The following RAB31 variants were observed in gnomAD, a reference collection of about 807,000 sequenced individuals.
RAB31 encodes RAB31, member RAS oncogene family.
RAB31 carries 21 observed loss-of-function variants against 25.6 expected under a neutral mutation model. The observed-to-expected ratio is 0.82, with a 90% CI of 0.58 to 1.18. RAB31 has a LOEUF of 1.18. Among genes scored for constraint, RAB31 ranks in the 50% most tolerant of loss-of-function variants. RAB31 has a pLI of 0.00. For synonymous variants in RAB31, 87 were observed against 84.0 expected (o/e 1.04, Z -0.20); for missense variants, 196 against 250.1 (o/e 0.78, Z 1.46).
chr18:9,848,831 C>T (rs2068774690), intron 6 of RAB31, among the ~76,000 whole-genome samples: 1 of 152,090 alleles, frequency 6.6e-6, no homozygotes, highest in South Asian at 2.1e-4. Context: ...TTTTACAGTC[C>T]CATAGTGTTC....
At chr18:9,832,159 A>C (rs2068681813) in intron 5 of RAB31, among the ~76,000 whole-genome samples, 1 of 152,220 alleles carries the variant, frequency 6.6e-6, no homozygotes, top group Admixed American at 6.5e-5. Flanking sequence ...ACTGGCCCAA[A>C]GGGATTCAGC....
At chr18:9,716,318 C>T (rs546423876) in intron 1 of RAB31, among the ~76,000 whole-genome samples, 1 of 151,950 alleles carries the variant, frequency 6.6e-6, no homozygotes, top group East Asian at 1.9e-4. Context: ...TATTTTTTAA[C>T]GTGATCATGT....
chr18:9,793,894 T>G (rs1599041170), intron 3 of RAB31, among the ~76,000 whole-genome samples: 1 of 152,166 alleles, frequency 6.6e-6, no homozygotes, highest in African/African-American at 2.4e-5. Flanking sequence ...TCCTGCTTCA[T>G]TTTTCTCCAC....
At chr18:9,739,425 T>C (rs888901045) in intron 1 of RAB31, among the ~76,000 whole-genome samples, 2 of 152,108 alleles carry the variant, frequency 1.3e-5, no homozygotes, top group Non-Finnish European at 2.9e-5. Context: ...TGGGCCGAGA[T>C]TGTGCCACTG....
chr18:9,747,985 G>A (rs900513883), intron 1 of RAB31, among the ~76,000 whole-genome samples: 8 of 152,130 alleles, frequency 5.3e-5, no homozygotes, highest in African/African-American at 1.9e-4. Flanking sequence ...TAACACCTAC[G>A]GTCAACGGCA....
At chr18:9,834,323 C>A (rs2068693781) in intron 5 of RAB31, among the ~76,000 whole-genome samples, 1 of 152,142 alleles carries the variant, frequency 6.6e-6, no homozygotes, top group Admixed American at 6.5e-5. Flanking sequence ...GCTATGTTGG[C>A]CAGGCTGGTC....
chr18:9,780,153 G>T (rs2068394584), intron 2 of RAB31, among the ~76,000 whole-genome samples: 1 of 148,376 alleles, frequency 6.7e-6, no homozygotes, highest in African/African-American at 2.5e-5. Flanking sequence ...TCCAGCCAGG[G>T]CAACAGAGTG....
chr18:9,726,847 A>T (rs2068098236), intron 1 of RAB31, among the ~76,000 whole-genome samples: 1 of 152,192 alleles, frequency 6.6e-6, no homozygotes, highest in Non-Finnish European at 1.5e-5. Flanking sequence ...AGACCTATGT[A>T]AACACCTGGG....
intron 5 of RAB31, among the ~76,000 whole-genome samples, chr18:9,824,062 C>G (rs918153063): frequency 6.6e-6 from 1 of 152,230 alleles, no homozygotes; most frequent in Non-Finnish European, 1.5e-5. Flanking sequence ...AACCCCAGAC[C>G]TTATTCAGAG....
rs2068821812 is a variant in RAB31, at chr18:9,857,401, G to C, written c.491-1827G>C. Among the ~76,000 whole-genome samples, 5 of 152,056 alleles carry C rather than the reference G, an allele frequency of 3.3e-5. No individual in the cohort carries two copies. In the South Asian group the frequency reaches 1.0e-3, roughly 32 times the overall value. On this transcript the variant is annotated intron_variant, in intron 6 of 6. Coordinates refer to ENST00000578921, the MANE Select transcript of RAB31 (RefSeq NM_006868.4). ...CACTTGCATTAAAAGACTTTGTCAG[G>C]GCCCAGCGCATAGTCAGTATTCCGT... is the stretch of plus-strand genomic sequence containing the variant.
At chr18:9,800,353 C>T (rs1471594261) in intron 3 of RAB31, among the ~76,000 whole-genome samples, 1 of 152,170 alleles carries the variant, frequency 6.6e-6, no homozygotes, top group Non-Finnish European at 1.5e-5. Context: ...TATACTTTTA[C>T]ACAGTTCATG....
intron 2 of RAB31, chr18:9,787,945 G>T (rs1003205722): frequency 6.6e-6 from 1 of 152,186 alleles, no homozygotes; most frequent in Admixed American, 6.5e-5. Flanking sequence ...AGTTCTCCAA[G>T]ATTAACTTTC....
intron 1 of RAB31, among the ~76,000 whole-genome samples, chr18:9,736,316 T>C (rs891005082): frequency 4.6e-5 from 7 of 152,166 alleles, no homozygotes; most frequent in African/African-American, 1.7e-4. Context: ...ATCCTAAACC[T>C]AAAACCGTTG....
At chr18:9,813,866 A>G (rs2068587513) in intron 3 of RAB31, among the ~76,000 whole-genome samples, 154 bp from the exon 4 acceptor site, 1 of 152,156 alleles carries the variant, frequency 6.6e-6, no homozygotes, top group African/African-American at 2.4e-5. Context: ...AAAATAAAAT[A>G]AAATAAATAA....
At chr18:9,828,455 A>T (rs1184963931) in intron 5 of RAB31, among the ~76,000 whole-genome samples, 1 of 152,148 alleles carries the variant, frequency 6.6e-6, no homozygotes, top group Non-Finnish European at 1.5e-5. Context: ...TAAGTGTGTG[A>T]TTCATGCAAT....
chr18:9,768,430 T>G (rs1213664739), intron 1 of RAB31, among the ~76,000 whole-genome samples: 1 of 152,246 alleles, frequency 6.6e-6, no homozygotes, highest in Middle Eastern at 3.2e-3. Flanking sequence ...GTGGTTTTGA[T>G]TTGCATTTCT....
chr18:9,748,538 C>T (rs887801024), intron 1 of RAB31, among the ~76,000 whole-genome samples: 53 of 151,334 alleles, frequency 3.5e-4, no homozygotes, highest in Middle Eastern at 3.6e-3. Context: ...TATAGATTAG[C>T]CTAAAGAACG....
At chr18:9,823,312 G>A (rs772428975) in intron 5 of RAB31, among the ~76,000 whole-genome samples, 22 of 152,236 alleles carry the variant, frequency 1.4e-4, no homozygotes, top group Non-Finnish European at 2.6e-4. Flanking sequence ...GGGACCCTGT[G>A]GTGTCGGCAC....
chr18:9,838,648 G>A (rs1016203866), intron 5 of RAB31, among the ~76,000 whole-genome samples: 2 of 152,162 alleles, frequency 1.3e-5, no homozygotes, highest in African/African-American at 4.8e-5. Context: ...CCCCTATTGG[G>A]TAGCACAGGC....
Sources: allele counts gnomAD v4.1 joint callset (sites outside exome capture counted in the v4.1 genomes callset), GRCh38; gene constraint gnomAD v4.1.1; transcripts MANE v1.5; gene names NCBI Gene and HGNC (gene_info 2026-07-23, HGNC 2026-07-21).